Variants in SPARCL1 observed in about 807,000 individuals in gnomAD.
SPARCL1 encodes SPARC like 1.
Under a neutral mutation model 67.1 loss-of-function variants are expected in SPARCL1, and 52 were observed. The ratio of observed to expected loss-of-function variants is 0.78; its 90% CI spans 0.62 to 0.98. The LOEUF (loss-of-function observed/expected upper bound fraction) is 0.98, where lower values mean the gene tolerates loss of function less well. SPARCL1 is among the 50% of genes least tolerant of loss of function. The pLI, the probability that SPARCL1 is intolerant of heterozygous loss-of-function variation, is 0.00. For missense variants in SPARCL1, 717 were observed against 782.4 expected, an observed-to-expected ratio of 0.92 and a Z score of 1.00; for synonymous variants, 226 against 267.8, an observed-to-expected ratio of 0.84 and a Z score of 1.52.
At chr4:87,487,742 G>A (rs1724134104) in intron 7 of SPARCL1, among the ~76,000 whole-genome samples, 1 of 152,236 alleles carries the variant, frequency 6.6e-6, no homozygotes, top group South Asian at 2.1e-4. Context: ...ATCAGATGTA[G>A]GTTTGGTCTT....
At chr4:87,479,623 A>C (rs779077410) in intron 9 of SPARCL1, 45 bp from the exon 10 acceptor site, 5 of 1,595,960 alleles carry the variant, frequency 3.1e-6, no homozygotes, top group Non-Finnish European at 4.3e-6. Flanking sequence ...TAGCTTGTGC[A>C]TGAAGATTTA....
intron 7 of SPARCL1, among the ~76,000 whole-genome samples, chr4:87,488,361 G>T (rs1344017100): frequency 6.6e-6 from 1 of 152,124 alleles, no homozygotes; most frequent in East Asian, 1.9e-4. Flanking sequence ...TCTGCTGCAG[G>T]TCTGCTGGAG....
chr4:87,508,496 G>C (rs1725202858), intron 1 of SPARCL1, among the ~76,000 whole-genome samples: 2 of 152,014 alleles, frequency 1.3e-5, no homozygotes, highest in South Asian at 4.2e-4. Context: ...CACTGTGCTG[G>C]GCCTCTTCTT....
At chr4:87,522,576 G>T (rs1312298959) in intron 1 of SPARCL1, among the ~76,000 whole-genome samples, 1 of 151,000 alleles carries the variant, frequency 6.6e-6, no homozygotes, top group Admixed American at 6.6e-5. Flanking sequence ...CAGGGTCTTT[G>T]CACAAGTGTT....
chr4:87,486,888 C>CTTTTTTTTTTTTTTTTTTTTTTTTTT lies in SPARCL1; in HGVS notation c.1531+3359_1531+3384dup, dbSNP rs57597004. Among the ~76,000 whole-genome samples, 8 of 28,000 alleles carry CTTTTTTTTTTTTTTTTTTTTTTTTTT rather than the reference C, an allele frequency of 2.9e-4. 3 individuals are homozygous for CTTTTTTTTTTTTTTTTTTTTTTTTTT. The highest frequency in any genetic ancestry group is 4.9e-4 in the Non-Finnish European group (7 of 14,154). 18.4% of individuals were successfully genotyped at this position (28,000 alleles called of 152,430 possible). On this transcript the variant is annotated intron_variant, in intron 7 of 10. Coordinates refer to ENST00000282470, the MANE Select transcript of SPARCL1 (RefSeq NM_004684.6). Reference sequence around the variant, plus strand: ...TCTGAGGCTAGTATTGCAATTCCTGCTTTTTTTTTTTTTTTTTTTTTTTTT... The same window carrying CTTTTTTTTTTTTTTTTTTTTTTTTTT: ...TCTGAGGCTAGTATTGCAATTCCTGCTTTTTTTTTTTTTTTTTTTTTTTTTTTTTTTTTTTTTTTTTTTTTTTTTTT...
chr4:87,513,025 C>T (rs531030328), intron 1 of SPARCL1, among the ~76,000 whole-genome samples: 3 of 152,198 alleles, frequency 2.0e-5, no homozygotes, highest in East Asian at 3.9e-4. Flanking sequence ...ACTATTAAAG[C>T]ACATGTGAAA....
chr4:87,521,036 G>A (rs568090637), intron 1 of SPARCL1, among the ~76,000 whole-genome samples: 36 of 152,190 alleles, frequency 2.4e-4, no homozygotes, highest in South Asian at 1.0e-3. Flanking sequence ...TTTATTTTCG[G>A]TACTATGGTT....
In SPARCL1 at chr4:87,493,980, C is replaced by T. The variant is rs1193134875; in HGVS notation, c.820G>A (p.Ala274Thr). ...GNQEQEDNSN[A>T]EMEEENASNV... ...GATGCATTTTCCTCTTCCATTTCTG[C>T]ATTGGAGTTATCTTCTTGTTCTTGG... is the stretch of plus-strand genomic sequence containing the variant. Residue 274 changes from alanine (A) to threonine (T), a missense_variant, in exon 4 of 11, where the codon GCA becomes ACA. By Grantham distance (58) the Ala-to-Thr change is moderately conservative (BLOSUM62 0). Transcript: ENST00000282470. 4 of 1,614,168 alleles carry T rather than the reference C, an allele frequency of 2.5e-6. No individual in the cohort carries two copies. The highest frequency in any genetic ancestry group is 3.4e-6 in the Non-Finnish European group (4 of 1,180,020).
In SPARCL1 at chr4:87,494,459, G is replaced by A. The variant is rs774987627; in HGVS notation, c.341C>T (p.Ala114Val). ...TATGTCCAATGTACCTTCAGTTGGT[G>A]CATACTCCAAATTCACACTTAAGTG... ...DGHLSVNLEY[A>V]PTEGTLDIKE... The change falls in exon 4 of 11, where the codon GCA becomes GTA. Residue 114 changes from alanine (A) to valine (V), a missense_variant. Transcript: ENST00000282470. 9 of 1,614,066 alleles carry A rather than the reference G, an allele frequency of 5.6e-6. No homozygotes were observed. The East Asian group carries it at 2.0e-4, about 36-fold the overall frequency.
chr4:87,517,241 T>G (rs1334792136), intron 1 of SPARCL1, among the ~76,000 whole-genome samples: 1 of 152,160 alleles, frequency 6.6e-6, no homozygotes, highest in Non-Finnish European at 1.5e-5. Flanking sequence ...CTAGGAAGCT[T>G]GAGTTTCAAG....
chr4:87,515,820 C>T (rs534124586), intron 1 of SPARCL1, among the ~76,000 whole-genome samples: 6 of 152,194 alleles, frequency 3.9e-5, no homozygotes, highest in Admixed American at 2.0e-4. Flanking sequence ...CAAACACCCA[C>T]AAATGTCAAC....
intron 7 of SPARCL1, among the ~76,000 whole-genome samples, chr4:87,483,932 TG>T (rs1723941681): frequency 6.6e-6 from 1 of 152,182 alleles, no homozygotes; most frequent in African/African-American, 2.4e-5. Flanking sequence ...TTGATGGGGT[TG>T]TTTTTTTCTT....
intron 1 of SPARCL1, among the ~76,000 whole-genome samples, chr4:87,523,797 A>G (rs926683138): frequency 3.5e-4 from 53 of 152,230 alleles, no homozygotes; most frequent in Admixed American, 3.2e-3. Context: ...GTACATTACA[A>G]TATATTACCC....
intron 5 of SPARCL1, 116 bp from the exon 6 acceptor site, chr4:87,490,994 A>G: frequency 1.7e-6 from 1 of 596,176 alleles, no homozygotes; most frequent in Non-Finnish European, 2.9e-6. Flanking sequence ...AGTCCTTGAA[A>G]TTTGCAAATT....
chr4:87,475,490 T>G (rs1167821827), intron 10 of SPARCL1, among the ~76,000 whole-genome samples: 1 of 152,190 alleles, frequency 6.6e-6, no homozygotes, highest in Non-Finnish European at 1.5e-5. Flanking sequence ...CTAGACCCCT[T>G]TTCATGTAAC....
At chr4:87,511,439 G>C (rs72879299) in intron 1 of SPARCL1, among the ~76,000 whole-genome samples, 2 of 152,056 alleles carry the variant, frequency 1.3e-5, no homozygotes, top group African/African-American at 4.8e-5. Flanking sequence ...ATATCTAGTA[G>C]ATACTTGGGT....
At position 87,491,990 on chromosome 4, in the gene SPARCL1, T is replaced by G. The variant is rs547025559; in HGVS notation, c.1219-300A>C. On this transcript the variant is annotated intron_variant, in intron 4 of 10. Coordinates refer to ENST00000282470, the MANE Select transcript of SPARCL1 (RefSeq NM_004684.6). The stretch of plus-strand genomic sequence containing the variant: ...AAAATTAGCTGGGCATGATGGTGCA[T>G]GCCTGTGGTCCCGGTTACTCAGGAA... 2.3e-5 allele frequency among the ~76,000 whole-genome samples: 3 copies of G among 133,060 alleles called. No homozygotes were observed. In the South Asian group the frequency reaches 8.3e-4, roughly 37 times the overall value. The allele number at this position is 133,060 out of a possible 152,430, so 87.3% of individuals were successfully genotyped here.
intron 4 of SPARCL1, among the ~76,000 whole-genome samples, chr4:87,493,247 G>T (rs1271794525): frequency 1.3e-5 from 2 of 152,158 alleles, no homozygotes; most frequent in South Asian, 4.1e-4. Context: ...GTCGCCAAAT[G>T]GAATACTTCT....
chr4:87,518,474 T>C (rs1227004446), intron 1 of SPARCL1, among the ~76,000 whole-genome samples: 1 of 152,240 alleles, frequency 6.6e-6, no homozygotes, highest in East Asian at 1.9e-4. Flanking sequence ...AAACATTTGC[T>C]TTTGAAATCA....
Sources: gnomAD v4.1 joint callset for allele counts (sites outside exome capture counted in the v4.1 genomes callset) on GRCh38, gnomAD v4.1.1 for gene constraint, MANE v1.5 for transcripts, NCBI Gene and HGNC (gene_info 2026-07-23, HGNC 2026-07-21) for gene names.